SMYD2: variants seen among roughly 807,000 people sequenced by gnomAD.
The protein encoded by SMYD2 is N-lysine methyltransferase SMYD2.
In SMYD2, 53 loss-of-function variants were observed where a neutral mutation model predicts 59.1. That is an observed-to-expected ratio of 0.90 (90% CI 0.72 to 1.13). The LOEUF is 1.13. Among genes scored for constraint, SMYD2 ranks in the 50% most tolerant of loss-of-function variants. The pLI is 0.00. For missense variants in SMYD2, 494 were observed against 544.7 expected (o/e 0.91, Z 0.93); for synonymous variants, 208 against 198.8 (o/e 1.05, Z -0.39).
intron 2 of SMYD2, among the ~76,000 whole-genome samples, chr1:214,306,477 C>T (rs768100594): frequency 6.6e-6 from 1 of 152,246 alleles, no homozygotes; most frequent in Non-Finnish European, 1.5e-5. Context: ...ACCATATGCA[C>T]CGTCCCCTTC....
rs1408529441 is a variant in SMYD2 at position 214,332,191 on chromosome 1, A to G, written c.1111A>G (p.Ser371Gly). ...TGGACAGAAAATCATTAAGCCCTAC[A>G]GGTGATTGCAGAGGCTGTTCTAATC... ...QYGQKIIKPY[S>G]KHYPLYSLNV... The change falls in exon 10 of 12, where the codon AGT (serine) becomes GGT (glycine). Residue 371 changes from serine to glycine, a missense_variant and splice_region_variant. Transcript: ENST00000366957. 7 of 1,613,802 alleles carry G rather than the reference A, an allele frequency of 4.3e-6. No individual in the cohort carries two copies. The highest frequency in any genetic ancestry group is 5.9e-6 in the Non-Finnish European group (7 of 1,179,846).
Position 214,312,599 on chromosome 1 carries a change from G to A in SMYD2, c.238-2163G>A, listed in dbSNP as rs913387500. Among the ~76,000 whole-genome samples, 7 of 152,250 alleles carry A rather than the reference G, an allele frequency of 4.6e-5. No homozygotes were observed. In the East Asian group the frequency reaches 1.4e-3, roughly 29 times the overall value. On this transcript the variant is annotated intron_variant, in intron 2 of 11. Coordinates refer to ENST00000366957, the MANE Select transcript of SMYD2 (RefSeq NM_020197.3). This position sits in a 1 kb window ranked among gnomAD's most constrained non-coding sequence, Gnocchi z 4.1. Reference sequence around the variant, plus strand: ...CTGGAGAGGAGGGAGGGAGTCACATGGATATCCAGGGGAGGAGAGTGCTAG... The same window carrying A: ...CTGGAGAGGAGGGAGGGAGTCACATAGATATCCAGGGGAGGAGAGTGCTAG...
At chr1:214,334,564 G>A (rs1657406916) in intron 11 of SMYD2, among the ~76,000 whole-genome samples, 1 of 152,132 alleles carries the variant, frequency 6.6e-6, no homozygotes, top group South Asian at 2.1e-4. Context: ...CGTGATCACA[G>A]GCCCAGCCTG....
intron 1 of SMYD2, among the ~76,000 whole-genome samples, chr1:214,289,529 T>C (rs947196805): frequency 6.6e-6 from 1 of 152,208 alleles, no homozygotes; most frequent in Non-Finnish European, 1.5e-5. Context: ...CAAGGCATGC[T>C]TTTATCTGGT....
intron 1 of SMYD2, among the ~76,000 whole-genome samples, chr1:214,282,578 A>G (rs1656468004): frequency 6.6e-6 from 1 of 152,204 alleles, no homozygotes; most frequent in Non-Finnish European, 1.5e-5. Flanking sequence ...TACAGGTCTC[A>G]AGTCCAGCAT....
chr1:214,295,674 C>A (rs1175735220), intron 1 of SMYD2, among the ~76,000 whole-genome samples: 2 of 152,206 alleles, frequency 1.3e-5, no homozygotes, highest in Admixed American at 6.5e-5. Context: ...CAGCACAGCC[C>A]TGGGAAGAAG....
At position 214,327,665 on chromosome 1, in the gene SMYD2, A is replaced by G. The variant is rs781716201; in HGVS notation, c.646A>G (p.Thr216Ala). 1 of 1,614,240 alleles carries G rather than the reference A, an allele frequency of 6.2e-7. No homozygotes were observed. Among genetic ancestry groups the G allele is most frequent in the Non-Finnish European group, 8.5e-7 (1 of 1,180,032 alleles). Residue 216 changes from threonine (T) to alanine (A), a missense_variant, in exon 7 of 12, where the codon ACC (threonine) becomes GCC (alanine). Thr to Ala is a moderately conservative substitution (Grantham distance 58). Transcript: ENST00000366957. Reference protein sequence around the residue: ...NHSCCPNVIVTYKGTLAEVRA... With the variant: ...NHSCCPNVIVAYKGTLAEVRA... ...TAGCTGTTGCCCCAATGTCATTGTGACCTACAAAGGGACCCTGGCAGAAGT... is the reference window on the plus strand; with the variant it reads ...TAGCTGTTGCCCCAATGTCATTGTGGCCTACAAAGGGACCCTGGCAGAAGT...
At position 214,314,857 on chromosome 1, in the gene SMYD2, G is replaced by A; in HGVS notation, c.333G>A (p.Arg111=). ...NPSETVRLTA[R]ILAKQKIHPE... is the part of the protein sequence containing the mutation. ...CGGAGACTGTAAGACTAACAGCAAG[G>A]ATTCTGGCCAAACAGGTGAGGAAAT... The change falls in exon 3 of 12, where the codon AGG becomes AGA. Residue 111 remains arginine (R), a synonymous_variant. Transcript: ENST00000366957. 6.2e-7 allele frequency: 1 copy of A among 1,613,848 alleles called. No homozygotes were observed. Among genetic ancestry groups the A allele is most frequent in the South Asian group, 1.1e-5 (1 of 91,060 alleles).
At chr1:214,313,512 T>TA (rs79944948) in intron 2 of SMYD2, among the ~76,000 whole-genome samples, 68 of 138,340 alleles carry the variant, frequency 4.9e-4, no homozygotes, top group South Asian at 1.4e-3. Context: ...ATTTCCCATC[T>TA]AAAAAAAAAA....
intron 10 of SMYD2, 100 bp downstream of exon 10, chr1:214,332,292 AGCGC>A: frequency 7.2e-7 from 1 of 1,398,408 alleles, no homozygotes; most frequent in Non-Finnish European, 9.7e-7. Context: ...AGACTTGCCT[AGCGC>A]AGCTGCCTCT....
At chr1:214,332,346 G>C (rs870118) in intron 10 of SMYD2, 154 bp downstream of exon 10, 69,187 of 839,932 alleles carry the variant, frequency 0.082, 3,380 homozygotes, top group Non-Finnish European at 0.096. Flanking sequence ...GCAGGGCACT[G>C]CTCCCGAGTC....
chr1:214,288,780 A>G (rs936659323), intron 1 of SMYD2, among the ~76,000 whole-genome samples: 1 of 152,214 alleles, frequency 6.6e-6, no homozygotes, highest in Non-Finnish European at 1.5e-5. Flanking sequence ...ATTATGTAAT[A>G]AAACATAAAA....
At chr1:214,335,395 T>A (rs1657420569) in intron 11 of SMYD2, among the ~76,000 whole-genome samples, 1 of 152,218 alleles carries the variant, frequency 6.6e-6, no homozygotes, top group African/African-American at 2.4e-5. Context: ...CTGGAGCAGA[T>A]CTGAGCAAGG....
chr1:214,284,520 G>A (rs1656502398), intron 1 of SMYD2, among the ~76,000 whole-genome samples: 1 of 150,774 alleles, frequency 6.6e-6, no homozygotes. Flanking sequence ...ACAGGCATGA[G>A]CCACTGCGCC....
chr1:214,314,935 A>T, intron 3 of SMYD2, 63 bp downstream of exon 3: 1 of 1,243,332 alleles, frequency 8.0e-7, no homozygotes, highest in Non-Finnish European at 1.2e-6. Flanking sequence ...GGTCAGAAAG[A>T]TGAGTAACTG....
intron 9 of SMYD2, 26 bp from the exon 10 acceptor site, chr1:214,331,984 GGGCCCGGT>G (rs1657362352): frequency 6.3e-7 from 1 of 1,596,000 alleles, no homozygotes; most frequent in South Asian, 1.1e-5. Flanking sequence ...CAGGCAGCTT[GGGCCCGGT>G]GGCCCTTTCC....
intron 5 of SMYD2, among the ~76,000 whole-genome samples, chr1:214,319,970 A>G (rs1009080622): frequency 1.3e-5 from 2 of 152,244 alleles, no homozygotes; most frequent in Admixed American, 1.3e-4. Context: ...TCCTAAGGAT[A>G]TAATCAGAAA....
intron 9 of SMYD2, chr1:214,331,717 A>G (rs1395868479): frequency 7.3e-6 from 2 of 273,478 alleles, no homozygotes; most frequent in East Asian, 7.0e-5. Flanking sequence ...CAGGGTTCCA[A>G]CTTGGGTGAG....
At chr1:214,330,736 T>C (rs1477835426) in intron 8 of SMYD2, among the ~76,000 whole-genome samples, 1 of 152,234 alleles carries the variant, frequency 6.6e-6, no homozygotes, top group East Asian at 1.9e-4. Flanking sequence ...ATAAGGAGTA[T>C]CTAGAAAATT....
Sources: gnomAD v4.1 joint callset for allele counts (sites outside exome capture counted in the v4.1 genomes callset) on GRCh38, gnomAD v4.1.1 for gene constraint, Gnocchi (gnomAD v3.1) non-coding constraint, MANE v1.5 for transcripts, NCBI Gene and HGNC (gene_info 2026-07-23, HGNC 2026-07-21) for gene names.